ALK: variants seen among roughly 807,000 people sequenced by gnomAD.
The protein encoded by ALK is ALK receptor tyrosine kinase.
In ALK, 74 loss-of-function variants were observed where a neutral mutation model predicts 163.1. That is an observed-to-expected ratio of 0.45 (90% CI 0.38 to 0.55). ALK has a LOEUF of 0.55. ALK is among the 20% of genes least tolerant of loss of function. The pLI is 0.00. For synonymous variants in ALK, 960 were observed against 843.2 expected (o/e 1.14, Z -2.40); for missense variants, 2,063 against 2,105.3 (o/e 0.98, Z 0.39).
chr2:29,254,984 A>G (rs1356505386), intron 11 of ALK, among the ~76,000 whole-genome samples: 1 of 152,184 alleles, frequency 6.6e-6, no homozygotes, highest in African/African-American at 2.4e-5. Context: ...TAGAGAGGGA[A>G]CGCTTTCTAA....
intron 1 of ALK, among the ~76,000 whole-genome samples, chr2:29,860,700 T>C (rs1352531157): frequency 6.6e-6 from 1 of 152,202 alleles, no homozygotes; most frequent in Non-Finnish European, 1.5e-5. Flanking sequence ...ACCACAATGG[T>C]ATGAAACTAG....
intron 4 of ALK, among the ~76,000 whole-genome samples, chr2:29,511,967 A>T (rs1416420514): frequency 1.3e-5 from 2 of 152,164 alleles, no homozygotes; most frequent in Non-Finnish European, 2.9e-5. Context: ...TTCTTTTCAG[A>T]TGTAAGTATA....
At chr2:29,383,413 T>C (rs1480775747) in intron 5 of ALK, among the ~76,000 whole-genome samples, 1 of 151,740 alleles carries the variant, frequency 6.6e-6, no homozygotes, top group Non-Finnish European at 1.5e-5. Context: ...GTCTCCCAGG[T>C]TCAAGCAATT....
At chr2:29,684,431 A>G (rs1678177164) in intron 3 of ALK, among the ~76,000 whole-genome samples, 1 of 152,196 alleles carries the variant, frequency 6.6e-6, no homozygotes, top group South Asian at 2.1e-4. Flanking sequence ...AAGGGCAGGG[A>G]AACTATAAAC....
chr2:29,215,994 C>G (rs894374561), intron 23 of ALK, among the ~76,000 whole-genome samples: 4 of 152,110 alleles, frequency 2.6e-5, no homozygotes, highest in African/African-American at 4.8e-5. Context: ...CATGGGAGAC[C>G]AGGGGGACTC....
chr2:29,677,118 G>T (rs140059049), intron 3 of ALK, among the ~76,000 whole-genome samples: 26 of 151,718 alleles, frequency 1.7e-4, no homozygotes, highest in Non-Finnish European at 3.2e-4. Context: ...CTGTATATCT[G>T]TATGTTTTTA....
intron 1 of ALK, among the ~76,000 whole-genome samples, chr2:29,795,330 G>T (rs2148360035): frequency 6.6e-6 from 1 of 152,294 alleles, no homozygotes; most frequent in Middle Eastern, 3.4e-3. Flanking sequence ...TCTGGCAAGT[G>T]TTGCGTGAGA....
chr2:29,303,565 A>C (rs1040241326), intron 8 of ALK, among the ~76,000 whole-genome samples: 1 of 152,252 alleles, frequency 6.6e-6, no homozygotes, highest in African/African-American at 2.4e-5. Context: ...TCATTTTACC[A>C]TAAAGACACC....
chr2:29,379,877 C>T (rs1211193407), intron 5 of ALK, among the ~76,000 whole-genome samples: 1 of 152,070 alleles, frequency 6.6e-6, no homozygotes, highest in Non-Finnish European at 1.5e-5. Flanking sequence ...GAGACAGCAA[C>T]AGTAGTATTG....
At chr2:29,500,684 G>A (rs536922372) in intron 4 of ALK, among the ~76,000 whole-genome samples, 4 of 151,952 alleles carry the variant, frequency 2.6e-5, no homozygotes, top group African/African-American at 7.3e-5. Context: ...CGCCATCCAT[G>A]GTCTTGCCTA....
At chr2:29,331,418 T>C (rs1246923831) in intron 5 of ALK, among the ~76,000 whole-genome samples, 2 of 151,944 alleles carry the variant, frequency 1.3e-5, no homozygotes, top group African/African-American at 4.8e-5. Context: ...CTGGAATCAA[T>C]CCCCCACTGT....
chr2:29,765,902 C>T (rs1203656628), intron 1 of ALK, among the ~76,000 whole-genome samples: 1 of 152,036 alleles, frequency 6.6e-6, no homozygotes, highest in Non-Finnish European at 1.5e-5. Context: ...TGAACATGGA[C>T]TTGGAAAGAG....
intron 1 of ALK, 88 bp downstream of exon 1, chr2:29,919,905 T>G: frequency 6.7e-7 from 1 of 1,486,462 alleles, no homozygotes; most frequent in East Asian, 2.3e-5. Context: ...TTTTAGAAAG[T>G]GGGGTGGAAG....
At chr2:29,719,909 G>A (rs964388792) in intron 1 of ALK, among the ~76,000 whole-genome samples, 5 of 152,090 alleles carry the variant, frequency 3.3e-5, no homozygotes, top group South Asian at 2.1e-4. Flanking sequence ...GGGAAGACTC[G>A]GACAATCAAT....
chr2:29,289,953 T>C (rs547186584), intron 9 of ALK, among the ~76,000 whole-genome samples: 16 of 152,326 alleles, frequency 1.1e-4, no homozygotes, highest in African/African-American at 3.6e-4. Flanking sequence ...TGCCGTGGTC[T>C]TGTCTTCCCG....
chr2:29,525,266 C>T (rs1672926498), intron 4 of ALK, among the ~76,000 whole-genome samples: 1 of 152,216 alleles, frequency 6.6e-6, no homozygotes, highest in African/African-American at 2.4e-5. Flanking sequence ...AAATGGCTCT[C>T]CACCTTAAAC....
chr2:29,734,745 A>G (rs1218169387), intron 1 of ALK, among the ~76,000 whole-genome samples: 1 of 152,182 alleles, frequency 6.6e-6, no homozygotes, highest in African/African-American at 2.4e-5. Context: ...ATAAAAGAAA[A>G]TTAAAATACT....
Position 29,456,644 on chromosome 2 carries a change from T to G in ALK, c.1155-72785A>C, listed in dbSNP as rs1385066107. On this transcript the variant is annotated intron_variant, in intron 4 of 28. Transcript: ENST00000389048. ...TCTGGAGTTGGATGGCAGTAATGAT[T>G]GCACAATAATATGAATATACTTAAT... 2.0e-5 allele frequency among the ~76,000 whole-genome samples: 3 copies of G among 152,184 alleles called. No individual in the cohort carries two copies. In the East Asian group the frequency reaches 5.8e-4, roughly 29 times the overall value.
chr2:29,272,638 A>G (rs1665422656), intron 11 of ALK, among the ~76,000 whole-genome samples: 1 of 152,236 alleles, frequency 6.6e-6, no homozygotes, highest in Non-Finnish European at 1.5e-5. Context: ...TTGAAATGCC[A>G]CCAACCACCT....
Sources: gnomAD v4.1 joint callset for allele counts (sites outside exome capture counted in the v4.1 genomes callset) on GRCh38, gnomAD v4.1.1 for gene constraint, MANE v1.5 for transcripts, NCBI Gene and HGNC (gene_info 2026-07-23, HGNC 2026-07-21) for gene names.